The following MCC variants were observed in gnomAD, a reference collection of about 807,000 sequenced individuals.
The protein encoded by MCC is colorectal mutant cancer protein.
Under a neutral mutation model 116.2 loss-of-function variants are expected in MCC, and 90 were observed. The ratio of observed to expected loss-of-function variants is 0.77; its 90% CI spans 0.65 to 0.92. MCC has a LOEUF of 0.92. Among genes scored for constraint, MCC ranks in the 40% least tolerant of loss-of-function variants. The pLI is 0.00. For missense variants in MCC, 1,516 were observed against 1,312.2 expected (o/e 1.16, Z -2.40); for synonymous variants, 578 against 510.5 (o/e 1.13, Z -1.78).
chr5:113,445,472 C>T (rs1771183120), intron 1 of MCC, among the ~76,000 whole-genome samples: 1 of 152,024 alleles, frequency 6.6e-6, no homozygotes, highest in South Asian at 2.1e-4. Flanking sequence ...AGCTAAGAGT[C>T]AAATCAAGAA....
intron 3 of MCC, among the ~76,000 whole-genome samples, chr5:113,179,180 C>T (rs1761487173): frequency 1.3e-5 from 2 of 152,142 alleles, no homozygotes; most frequent in Admixed American, 1.3e-4. Flanking sequence ...GAATATAAAG[C>T]CAGTGCTCTC....
intron 3 of MCC, among the ~76,000 whole-genome samples, chr5:113,242,103 T>C (rs947342911): frequency 4.7e-5 from 7 of 148,350 alleles, no homozygotes; most frequent in African/African-American, 7.6e-5. Context: ...TCCCACATCA[T>C]AGGCCATCTT....
intron 3 of MCC, among the ~76,000 whole-genome samples, chr5:113,277,725 G>T (rs1765881993): frequency 6.6e-6 from 1 of 152,038 alleles, no homozygotes; most frequent in Non-Finnish European, 1.5e-5. Context: ...GTACCAAATG[G>T]TTACTTCATA....
chr5:113,083,706 CCT>C (rs1385820068), intron 10 of MCC, among the ~76,000 whole-genome samples: 1 of 152,172 alleles, frequency 6.6e-6, no homozygotes, highest in African/African-American at 2.4e-5. Context: ...AGACAACATT[CCT>C]CCTCAGTGGA....
chr5:113,252,245 G>A (rs1031073547), intron 3 of MCC, among the ~76,000 whole-genome samples: 2 of 151,956 alleles, frequency 1.3e-5, no homozygotes, highest in Non-Finnish European at 1.5e-5. Flanking sequence ...CCCAGCCCCC[G>A]GGCCCACAGA....
chr5:113,244,782 A>G (rs1476740622), intron 3 of MCC, among the ~76,000 whole-genome samples: 2 of 152,228 alleles, frequency 1.3e-5, no homozygotes, highest in Non-Finnish European at 2.9e-5. Context: ...TAAGAAAACA[A>G]TGTTTCACTT....
At chr5:113,205,766 G>A (rs1009956663) in intron 3 of MCC, among the ~76,000 whole-genome samples, 9 of 152,194 alleles carry the variant, frequency 5.9e-5, no homozygotes, top group African/African-American at 1.7e-4. Context: ...AGAGGTGAGC[G>A]GGTAGCGAAA....
intron 6 of MCC, among the ~76,000 whole-genome samples, chr5:113,120,158 C>T (rs1470110132): frequency 6.6e-6 from 1 of 152,200 alleles, no homozygotes; most frequent in Non-Finnish European, 1.5e-5. Context: ...ATCTGTCTGG[C>T]TAAGGCAGAA....
At chr5:113,431,081 G>A (rs1006999431) in intron 1 of MCC, among the ~76,000 whole-genome samples, 5 of 152,110 alleles carry the variant, frequency 3.3e-5, no homozygotes, top group African/African-American at 1.2e-4. Context: ...CAGAAGAGTA[G>A]GAAGTGAGAT....
chr5:113,377,853 A>G (rs1352803335), intron 2 of MCC, among the ~76,000 whole-genome samples: 1 of 152,204 alleles, frequency 6.6e-6, no homozygotes. Context: ...AAATATTGGA[A>G]TAAATTAAAT....
chr5:113,164,753 A>G (rs375161927), intron 3 of MCC, among the ~76,000 whole-genome samples: 12 of 152,328 alleles, frequency 7.9e-5, no homozygotes, highest in African/African-American at 2.4e-4. Context: ...TTGAGATCCC[A>G]TATCTGGTGT....
intron 3 of MCC, among the ~76,000 whole-genome samples, chr5:113,244,224 C>T (rs1346042882): frequency 1.3e-5 from 2 of 152,194 alleles, no homozygotes; most frequent in South Asian, 2.1e-4. Flanking sequence ...TAATTGTTGG[C>T]CTCAGCTAAT....
intron 14 of MCC, among the ~76,000 whole-genome samples, chr5:113,059,458 G>A (rs1263562755): frequency 6.6e-6 from 1 of 152,218 alleles, no homozygotes. Flanking sequence ...GCTGCTGGCT[G>A]CTGGGCAAGG....
At chr5:113,231,046 T>C (rs914910382) in intron 3 of MCC, among the ~76,000 whole-genome samples, 1 of 152,048 alleles carries the variant, frequency 6.6e-6, no homozygotes, top group Admixed American at 6.6e-5. Flanking sequence ...AAGACTTCAT[T>C]CTGAAAAGCA....
Position 113,364,245 on chromosome 5 carries a change from A to AG in MCC, c.415+20722_415+20723insC, listed in dbSNP as rs1331684515. ...GACTCTTTCTCAAAAACAGAAAAAA[A>AG]AAAAAAAAAAAAAAACCAGAAAAAA... On this transcript the variant is annotated intron_variant, in intron 2 of 18. Coordinates refer to ENST00000408903, the MANE Select transcript of MCC (RefSeq NM_001085377.2). Among the ~76,000 whole-genome samples the AG allele has an allele frequency of 1.0e-3, 132 of 127,998 alleles. 1 individual carries two copies. The highest frequency in any genetic ancestry group is 3.7e-3 in the African/African-American group (112 of 30,230). The allele number at this position is 127,998 out of a possible 152,430, so 84.0% of individuals were successfully genotyped here. A position where few individuals can be genotyped will look rare whatever the true frequency, so the allele number is the denominator to read the frequency against.
intron 5 of MCC, among the ~76,000 whole-genome samples, chr5:113,142,778 A>G (rs376247956): frequency 4.6e-4 from 70 of 152,306 alleles, no homozygotes; most frequent in African/African-American, 1.6e-3. Context: ...ACATTCATAA[A>G]TCTCTCAAAA....
intron 13 of MCC, among the ~76,000 whole-genome samples, chr5:113,066,033 A>G (rs1753577410): frequency 6.6e-6 from 1 of 152,122 alleles, no homozygotes; most frequent in African/African-American, 2.4e-5. Flanking sequence ...ACATCTCACC[A>G]CTGACTGCTA....
Position 113,185,621 on chromosome 5 carries a change from A to G in MCC, c.628-34199T>C, listed in dbSNP as rs181723491. ...AGAATCATTATTCTCAAAAGTGAGC[A>G]TATTTTAAAACTCAGCAGTCTAGGA... On this transcript the variant is annotated intron_variant, in intron 3 of 18. Coordinates refer to ENST00000408903, the MANE Select transcript of MCC (RefSeq NM_001085377.2). 1.7e-4 allele frequency among the ~76,000 whole-genome samples: 26 copies of G among 152,336 alleles called. 1 individual carries two copies. The highest frequency in any genetic ancestry group is 6.3e-4 in the African/African-American group (26 of 41,572).
At chr5:113,341,331 T>C (rs1768005781) in intron 2 of MCC, among the ~76,000 whole-genome samples, 1 of 151,988 alleles carries the variant, frequency 6.6e-6, no homozygotes, top group Non-Finnish European at 1.5e-5. Flanking sequence ...CTGGGTCAAG[T>C]GATCCTCCTG....
Sources: allele counts gnomAD v4.1 joint callset (sites outside exome capture counted in the v4.1 genomes callset), GRCh38; gene constraint gnomAD v4.1.1; transcripts MANE v1.5; gene names NCBI Gene and HGNC (gene_info 2026-07-23, HGNC 2026-07-21).